LARP4B: variants seen among roughly 807,000 people sequenced by gnomAD.
LARP4B encodes the protein la-related protein 4B.
In LARP4B, 12 loss-of-function variants were observed where a neutral mutation model predicts 89.8. The observed-to-expected ratio is 0.13, with a 90% CI of 0.09 to 0.22. The LOEUF (loss-of-function observed/expected upper bound fraction) is 0.22, where lower values mean the gene tolerates loss of function less well. LARP4B is among the 10% of genes least tolerant of loss of function. LARP4B has a pLI of 1.00. For missense variants in LARP4B, 757 were observed against 947.7 expected (o/e 0.80, Z 2.64); for synonymous variants, 367 against 363.3 (o/e 1.01, Z -0.12).
In LARP4B at chr10:825,183, G is replaced by A; in HGVS notation, c.1366C>T (p.Gln456Ter). 6.2e-7 allele frequency: 1 copy of A among 1,614,172 alleles called. No individual in the cohort carries two copies. The highest frequency in any genetic ancestry group is 1.3e-5 in the African/African-American group (1 of 75,052). ...INGVRSPQTR[Q>*]AGQTRTRIQN... ...ATCCGTGTTCTAGTTTGACCTGCTT[G>A]CCTTGTTTGTGGACTCCGGACACCA... The change falls in exon 13 of 18, where the codon CAA (glutamine) becomes TAA (stop). Residue 456 changes from glutamine (Q) to a stop codon, truncating the protein, a stop_gained. Transcript: ENST00000316157. LOFTEE classifies it high-confidence loss of function.
At position 817,902 on chromosome 10, in the gene LARP4B, G is replaced by T; in HGVS notation, c.1531-13C>A. ...GTGTCTGGCTGCTCTGCAACAGAAT[G>T]ACACCCCAGGGTCACGGTATGGAGA... On this transcript the variant is annotated splice_polypyrimidine_tract_variant and intron_variant, in intron 14 of 17. Coordinates refer to ENST00000316157, the MANE Select transcript of LARP4B (RefSeq NM_015155.3). The T allele has an allele frequency of 6.2e-7, 1 of 1,610,830 alleles. No homozygotes were observed. Among genetic ancestry groups the T allele is most frequent in the South Asian group, 1.1e-5 (1 of 90,844 alleles).
At position 921,410 on chromosome 10, in the gene LARP4B, T is replaced by C. The variant is rs377129723; in HGVS notation, c.-40+10018A>G. 2.0e-4 allele frequency among the ~76,000 whole-genome samples: 31 copies of C among 152,350 alleles called. No individual in the cohort carries two copies. The East Asian group carries it at 5.0e-3, about 25-fold the overall frequency. ...AAAACATCTAGTCTACAGTTATTTATGTTGAGCTGTAACTTCATGTGATTT... is the reference window on the plus strand; with the variant it reads ...AAAACATCTAGTCTACAGTTATTTACGTTGAGCTGTAACTTCATGTGATTT... On this transcript the variant is annotated intron_variant, in intron 1 of 17. Transcript: ENST00000316157.
At chr10:931,976 G>T (rs934565719), upstream of LARP4B, among the ~76,000 whole-genome samples, 1 of 80,846 alleles carries the variant, frequency 1.2e-5, no homozygotes, top group Non-Finnish European at 2.8e-5. Context: ...CGTCCGCCCC[G>T]CCCGCCCCGC....
intron 5 of LARP4B, among the ~76,000 whole-genome samples, chr10:849,151 C>T (rs1833922120): frequency 6.6e-6 from 1 of 151,982 alleles, no homozygotes; most frequent in South Asian, 2.1e-4. Flanking sequence ...AAGAAGAAGG[C>T]TGCTCCAAAG....
At chr10:934,499 AAAAG>A, upstream of LARP4B, among the ~76,000 whole-genome samples, 1 of 152,210 alleles carries the variant, frequency 6.6e-6, no homozygotes, top group East Asian at 1.9e-4. Flanking sequence ...CAAAAAAAGA[AAAAG>A]AAAAAAACTA....
At chr10:859,139 C>T (rs1033443484) in intron 5 of LARP4B, among the ~76,000 whole-genome samples, 1 of 151,772 alleles carries the variant, frequency 6.6e-6, no homozygotes, top group East Asian at 1.9e-4. Context: ...TTTAGCTGGG[C>T]GTGGTGGCTC....
At chr10:978,840 T>C in the LARP4B span, among the ~76,000 whole-genome samples, 50 of 152,242 alleles carry the variant, frequency 3.3e-4, 1 homozygote, top group Non-Finnish European at 1.6e-4. Context: ...GATTTCTCAG[T>C]GTTCCTTTGT....
At chr10:969,926 G>A in the LARP4B span, among the ~76,000 whole-genome samples, 3 of 152,056 alleles carry the variant, frequency 2.0e-5, no homozygotes, top group East Asian at 1.9e-4. Flanking sequence ...TGGCAGTCAT[G>A]AGCCCACATG....
chr10:898,481 C>G (rs964150203), intron 1 of LARP4B, among the ~76,000 whole-genome samples: 1 of 152,214 alleles, frequency 6.6e-6, no homozygotes, highest in African/African-American at 2.4e-5. Flanking sequence ...GAAGTAGAAA[C>G]AACCCAAATA....
At chr10:871,644 G>C (rs1373397528) in intron 3 of LARP4B, among the ~76,000 whole-genome samples, 1 of 152,054 alleles carries the variant, frequency 6.6e-6, no homozygotes. Context: ...TTCCTGACTT[G>C]TCTGGGGACA....
chr10:863,988 C>G, intron 4 of LARP4B, 105 bp from the exon 5 acceptor site: 1 of 1,546,142 alleles, frequency 6.5e-7, no homozygotes, highest in Non-Finnish European at 8.8e-7. Flanking sequence ...CTGTAAAAGA[C>G]CTCTGGGCTC....
At chr10:897,288 T>C (rs1310659038) in intron 1 of LARP4B, among the ~76,000 whole-genome samples, 1 of 152,184 alleles carries the variant, frequency 6.6e-6, no homozygotes, top group African/African-American at 2.4e-5. Flanking sequence ...AAGAACAATC[T>C]TGTCAACAAA....
rs1416350272 is a variant in LARP4B at position 822,130 on chromosome 10, C to T, written c.1485-1285G>A. ...GAGCTGAACTCCTACTCCGCTGCGC[C>T]AGGATTCAGAAGTAGTGGAAAGGTG... On this transcript the variant is annotated intron_variant, in intron 13 of 17. Coordinates refer to ENST00000316157, the MANE Select transcript of LARP4B (RefSeq NM_015155.3). This position sits in a 1 kb window ranked among gnomAD's most constrained non-coding sequence, Gnocchi z 4.6. Among the ~76,000 whole-genome samples the T allele has an allele frequency of 6.6e-6, 1 of 152,234 alleles. No individual in the cohort carries two copies. The highest frequency in any genetic ancestry group is 1.5e-5 in the Non-Finnish European group (1 of 68,036).
At chr10:918,495 G>A (rs1836887568) in intron 1 of LARP4B, among the ~76,000 whole-genome samples, 1 of 151,948 alleles carries the variant, frequency 6.6e-6, no homozygotes, top group African/African-American at 2.4e-5. Context: ...TTAACCAGGT[G>A]TGGTGGCACG....
In LARP4B at chr10:842,700, A is replaced by G. The variant is rs536548359; in HGVS notation, c.646+232T>C. Among the ~76,000 whole-genome samples the G allele has an allele frequency of 4.7e-4, 72 of 152,310 alleles. No individual in the cohort carries two copies. The South Asian group carries it at 7.7e-3, about 16-fold the overall frequency. ...TTAACAAGATTCTTTTCTACTTCAT[A>G]TGTCCCAAAACTTGTTTGAGGTTTC... On this transcript the variant is annotated intron_variant, in intron 7 of 17. Coordinates refer to ENST00000316157, the MANE Select transcript of LARP4B (RefSeq NM_015155.3).
chr10:930,062 G>A (rs1176489794), intron 1 of LARP4B, among the ~76,000 whole-genome samples: 1 of 151,208 alleles, frequency 6.6e-6, no homozygotes, highest in East Asian at 1.9e-4. Context: ...AATGAGGGGC[G>A]CCAGGCAGGT....
At chr10:835,806 G>A (rs919883743) in intron 8 of LARP4B, among the ~76,000 whole-genome samples, 4 of 152,110 alleles carry the variant, frequency 2.6e-5, no homozygotes, top group Admixed American at 1.3e-4. Context: ...AGCGACAGGC[G>A]CCTGTAATCC....
intron 14 of LARP4B, chr10:818,738 T>C (rs1832190421): frequency 1.3e-5 from 2 of 152,240 alleles, no homozygotes; most frequent in South Asian, 4.1e-4. Context: ...TGAATTTATA[T>C]TAACTAAAGA....
intron 14 of LARP4B, 183 bp downstream of exon 14, chr10:820,617 C>T (rs1286495457): frequency 1.7e-6 from 1 of 596,768 alleles, no homozygotes; most frequent in Non-Finnish European, 2.9e-6. Context: ...ATTTCCAAAA[C>T]CTCTACAGTT....
Sources: allele counts gnomAD v4.1 joint callset (sites outside exome capture counted in the v4.1 genomes callset), GRCh38; gene constraint gnomAD v4.1.1; non-coding constraint Gnocchi (gnomAD v3.1); transcripts MANE v1.5; gene names NCBI Gene and HGNC (gene_info 2026-07-23, HGNC 2026-07-21).